SIPA1L1: variants seen among roughly 807,000 people sequenced by gnomAD.
SIPA1L1 encodes signal-induced proliferation-associated 1-like protein 1.
Under a neutral mutation model 162.7 loss-of-function variants are expected in SIPA1L1, and 26 were observed. The observed-to-expected ratio is 0.16, with a 90% CI of 0.12 to 0.22. SIPA1L1 has a LOEUF of 0.22. Among genes scored for constraint, SIPA1L1 ranks in the 10% least tolerant of loss-of-function variants. The probability of loss-of-function intolerance (pLI) is 1.00; values close to 1 mark genes in which losing one functional copy is unlikely to be tolerated. For missense variants in SIPA1L1, 1,874 were observed against 2,241.0 expected (o/e 0.84, Z 3.31); for synonymous variants, 829 against 837.4 (o/e 0.99, Z 0.17).
intron 2 of SIPA1L1, chr14:71,330,407 G>A (rs138297327): frequency 4.1e-5 from 51 of 1,253,162 alleles, no homozygotes; most frequent in Non-Finnish European, 5.8e-5. Flanking sequence ...CTGATTTCAC[G>A]AGCTGTCTTC....
intron 4 of SIPA1L1, among the ~76,000 whole-genome samples, chr14:71,535,615 T>C (rs1321424460): frequency 6.6e-6 from 1 of 151,846 alleles, no homozygotes; most frequent in Non-Finnish European, 1.5e-5. Flanking sequence ...TTTTTTTTCC[T>C]TTTTCTTTTC....
intron 4 of SIPA1L1, among the ~76,000 whole-genome samples, chr14:71,552,796 C>T (rs988944091): frequency 6.6e-5 from 10 of 152,214 alleles, no homozygotes; most frequent in African/African-American, 2.4e-4. Context: ...TACCGAGTGC[C>T]TTGGAGCCTT....
At chr14:71,607,427 C>T (rs2037658353) in intron 5 of SIPA1L1, among the ~76,000 whole-genome samples, 1 of 152,030 alleles carries the variant, frequency 6.6e-6, no homozygotes, top group Admixed American at 6.6e-5. Context: ...CTTACTAATA[C>T]CAATGCTTTT....
intron 5 of SIPA1L1, among the ~76,000 whole-genome samples, chr14:71,592,713 G>A (rs1208482738): frequency 1.2e-4 from 19 of 152,170 alleles, no homozygotes; most frequent in Admixed American, 1.2e-3. Flanking sequence ...TTTGGCTGAT[G>A]AAGCTATAAT....
intron 2 of SIPA1L1, among the ~76,000 whole-genome samples, chr14:71,416,799 CTT>C (rs2042804642): frequency 2.0e-5 from 3 of 151,708 alleles, no homozygotes; most frequent in Non-Finnish European, 4.4e-5. Flanking sequence ...TTATGTGTAC[CTT>C]ATTAAATCCA....
At chr14:71,514,277 G>A (rs1443286417) in intron 3 of SIPA1L1, among the ~76,000 whole-genome samples, 1 of 152,164 alleles carries the variant, frequency 6.6e-6, no homozygotes, top group African/African-American at 2.4e-5. Flanking sequence ...CCCTTGGAGT[G>A]GGTTGTCTGT....
chr14:71,322,488 A>G (rs1051108256), intron 2 of SIPA1L1, among the ~76,000 whole-genome samples: 1 of 152,250 alleles, frequency 6.6e-6, no homozygotes, highest in Non-Finnish European at 1.5e-5. Context: ...GATAATATGG[A>G]ACAGTGGTAA....
chr14:71,650,756 G>GTGGGGCAGTGACACAA (rs1266914067), intron 8 of SIPA1L1, among the ~76,000 whole-genome samples: 1 of 152,152 alleles, frequency 6.6e-6, no homozygotes, highest in Non-Finnish European at 1.5e-5. Flanking sequence ...CAGTGACACA[G>GTGGGGCAGTGACACAA]ATCGTGCAGA....
intron 2 of SIPA1L1, among the ~76,000 whole-genome samples, chr14:71,459,553 G>A (rs944287927): frequency 6.6e-6 from 1 of 152,132 alleles, no homozygotes; most frequent in African/African-American, 2.4e-5. Flanking sequence ...AAGGAGCAAG[G>A]AGAGCCAGTC....
chr14:71,661,289 G>A (rs778134747), intron 9 of SIPA1L1, 21 bp from the exon 10 acceptor site: 1 of 1,609,636 alleles, frequency 6.2e-7, no homozygotes, highest in East Asian at 2.2e-5. Flanking sequence ...ATTTATGTTG[G>A]TTGCTTATTT....
chr14:71,457,331 G>A lies in SIPA1L1; in HGVS notation c.-464-55412G>A, dbSNP rs184173312. Reference sequence around the variant, plus strand: ...TTTTTTTTTTTTGAGATGGAGTCTCGCTCTTTTGCCCAGGCTGGAGTGCAG... The same window carrying A: ...TTTTTTTTTTTTGAGATGGAGTCTCACTCTTTTGCCCAGGCTGGAGTGCAG... On this transcript the variant is annotated intron_variant, in intron 2 of 23. Transcript: ENST00000381232. Among the ~76,000 whole-genome samples the A allele has an allele frequency of 1.8e-3, 264 of 147,476 alleles. 1 individual carries two copies. Among genetic ancestry groups the A allele is most frequent in the East Asian group, 3.0e-3 (15 of 5,070 alleles).
chr14:71,556,293 C>G (rs1043181788), intron 4 of SIPA1L1, among the ~76,000 whole-genome samples: 4 of 152,212 alleles, frequency 2.6e-5, no homozygotes, highest in African/African-American at 9.6e-5. Context: ...TGACAATCAT[C>G]AACACAGAAA....
At chr14:71,417,498 A>AAAAAAAAAAAAAAAAAAAAAAAC (rs1157625899) in intron 2 of SIPA1L1, among the ~76,000 whole-genome samples, 1 of 146,492 alleles carries the variant, frequency 6.8e-6, no homozygotes, top group Non-Finnish European at 1.5e-5. Context: ...AAAAAAAAAA[A>AAAAAAAAAAAAAAAAAAAAAAAC]AAAAAGAAAA....
chr14:71,554,140 G>A lies in SIPA1L1; in HGVS notation c.-303+24770G>A, dbSNP rs1596083386. ...TGATACGTTATTTCTGTTCAGCAAA[G>A]GTAGTTTAGAGATTTTTTTCTGTTT... On this transcript the variant is annotated intron_variant, in intron 4 of 23. Coordinates refer to ENST00000381232, the MANE Select transcript of SIPA1L1 (RefSeq NM_001386936.1). 2.0e-5 allele frequency among the ~76,000 whole-genome samples: 3 copies of A among 152,114 alleles called. No homozygotes were observed. In the East Asian group the frequency reaches 5.8e-4, roughly 29 times the overall value.
intron 2 of SIPA1L1, among the ~76,000 whole-genome samples, chr14:71,391,751 T>A (rs1445612266): frequency 6.6e-6 from 1 of 151,852 alleles, no homozygotes; most frequent in Non-Finnish European, 1.5e-5. Flanking sequence ...CTAAGGAGAG[T>A]ACATTTTAAG....
At chr14:71,506,372 C>G (rs911582730) in intron 2 of SIPA1L1, among the ~76,000 whole-genome samples, 1 of 152,038 alleles carries the variant, frequency 6.6e-6, no homozygotes, top group African/African-American at 2.4e-5. Context: ...CAGAGTTTTG[C>G]TCTTTTTGCC....
intron 2 of SIPA1L1, among the ~76,000 whole-genome samples, chr14:71,347,100 C>T (rs1344033971): frequency 2.0e-5 from 3 of 151,350 alleles, no homozygotes; most frequent in Non-Finnish European, 2.9e-5. Context: ...TACAGGCACA[C>T]GCCACTACGT....
At chr14:71,650,196 C>G in intron 7 of SIPA1L1, 139 bp from the exon 8 acceptor site, 3 of 869,394 alleles carry the variant, frequency 3.5e-6, no homozygotes, top group Non-Finnish European at 3.8e-6. Context: ...GGATCAAAGA[C>G]GGAAAATACA....
chr14:71,342,690 T>C, intron 2 of SIPA1L1, among the ~76,000 whole-genome samples: 1 of 152,232 alleles, frequency 6.6e-6, no homozygotes, highest in Non-Finnish European at 1.5e-5. Flanking sequence ...AGTTTTGGAC[T>C]GTGTATGTTT....
Sources: allele counts gnomAD v4.1 joint callset (sites outside exome capture counted in the v4.1 genomes callset), GRCh38; gene constraint gnomAD v4.1.1; transcripts MANE v1.5; gene names NCBI Gene and HGNC (gene_info 2026-07-23, HGNC 2026-07-21).